ROBO1: variants seen among roughly 807,000 people sequenced by gnomAD.
ROBO1 encodes the protein roundabout guidance receptor 1.
In ROBO1, 149 loss-of-function variants were observed where a neutral mutation model predicts 195.9. The ratio of observed to expected loss-of-function variants is 0.76; its 90% confidence interval spans 0.67 to 0.87. The LOEUF (loss-of-function observed/expected upper bound fraction) is 0.87, where lower values mean the gene tolerates loss of function less well. Among genes scored for constraint, ROBO1 ranks in the 40% least tolerant of loss-of-function variants. The pLI is 0.00. For missense variants in ROBO1, 1,933 were observed against 2,068.3 expected (o/e 0.93, Z 1.27); for synonymous variants, 816 against 733.2 (o/e 1.11, Z -1.82).
At chr3:79,069,561 T>G (rs572896049) in intron 3 of ROBO1, among the ~76,000 whole-genome samples, 1 of 152,066 alleles carries the variant, frequency 6.6e-6, no homozygotes, top group Non-Finnish European at 1.5e-5. Context: ...ATTCTTGACA[T>G]GTCAACAAAG....
intron 18 of ROBO1, among the ~76,000 whole-genome samples, chr3:78,655,343 T>A (rs76577174): frequency 1.3e-5 from 2 of 152,114 alleles, no homozygotes; most frequent in East Asian, 3.9e-4. Context: ...ACCCCATTCA[T>A]TTGCTTGCAG....
At chr3:78,684,981 C>T (rs913114934) in intron 10 of ROBO1, among the ~76,000 whole-genome samples, 12 of 152,082 alleles carry the variant, frequency 7.9e-5, no homozygotes, top group African/African-American at 2.7e-4. Flanking sequence ...CCAATCACTA[C>T]AATAAATTTA....
At chr3:79,212,907 T>A (rs549178628) in intron 2 of ROBO1, among the ~76,000 whole-genome samples, 2 of 152,034 alleles carry the variant, frequency 1.3e-5, no homozygotes, top group African/African-American at 4.8e-5. Context: ...GTGTAGACTT[T>A]AGCAAATTCT....
At chr3:79,297,606 T>C (rs1480256763) in intron 2 of ROBO1, among the ~76,000 whole-genome samples, 4 of 152,114 alleles carry the variant, frequency 2.6e-5, no homozygotes, top group Non-Finnish European at 5.9e-5. Flanking sequence ...AACATTTGAG[T>C]TGTTTTGATT....
At chr3:79,677,082 G>T (rs1946804932) in intron 1 of ROBO1, among the ~76,000 whole-genome samples, 1 of 151,866 alleles carries the variant, frequency 6.6e-6, no homozygotes, top group Non-Finnish European at 1.5e-5. Context: ...CCCAACTCTT[G>T]GTGTTAAAAC....
chr3:79,315,381 C>T (rs1049745268), intron 2 of ROBO1, among the ~76,000 whole-genome samples: 21 of 152,114 alleles, frequency 1.4e-4, no homozygotes, highest in South Asian at 8.3e-4. Context: ...AGACCACTTA[C>T]GGGACTGATG....
At chr3:79,655,310 C>A (rs1178452483) in intron 1 of ROBO1, among the ~76,000 whole-genome samples, 9 of 151,956 alleles carry the variant, frequency 5.9e-5, no homozygotes, top group African/African-American at 2.2e-4. Context: ...ACCATATCAA[C>A]AGGGACTTCG....
intron 3 of ROBO1, among the ~76,000 whole-genome samples, chr3:79,120,017 C>T (rs1442116804): frequency 1.3e-5 from 2 of 152,148 alleles, no homozygotes; most frequent in Non-Finnish European, 2.9e-5. Flanking sequence ...TGTAATCCAT[C>T]CACCTTGGCT....
At chr3:79,604,014 C>T (rs1405206911) in intron 1 of ROBO1, among the ~76,000 whole-genome samples, 1 of 152,050 alleles carries the variant, frequency 6.6e-6, no homozygotes, top group Non-Finnish European at 1.5e-5. Flanking sequence ...AACAGGTACT[C>T]TCACGCAGGA....
chr3:78,718,549 A>C (rs2081958771), intron 5 of ROBO1, among the ~76,000 whole-genome samples: 1 of 152,084 alleles, frequency 6.6e-6, no homozygotes, highest in Admixed American at 6.6e-5. Context: ...TAATTAATTG[A>C]ATAAAAATTA....
intron 3 of ROBO1, among the ~76,000 whole-genome samples, chr3:79,047,276 G>A (rs2078612354): frequency 6.6e-6 from 1 of 152,054 alleles, no homozygotes; most frequent in Non-Finnish European, 1.5e-5. Context: ...TCTAGTTAAG[G>A]AGATTTCCAA....
intron 2 of ROBO1, among the ~76,000 whole-genome samples, chr3:79,516,805 T>G (rs993531821): frequency 2.6e-5 from 4 of 152,198 alleles, no homozygotes; most frequent in African/African-American, 9.6e-5. Flanking sequence ...TTCACATGTA[T>G]TTGAATTTAT....
chr3:78,705,991 G>A (rs1206716801), intron 8 of ROBO1, among the ~76,000 whole-genome samples: 1 of 151,462 alleles, frequency 6.6e-6, no homozygotes, highest in East Asian at 2.0e-4. Flanking sequence ...TAACTAAAAC[G>A]ATGTCTCTGA....
intron 3 of ROBO1, among the ~76,000 whole-genome samples, chr3:79,096,153 T>C (rs536474485): frequency 6.6e-6 from 1 of 151,948 alleles, no homozygotes; most frequent in African/African-American, 2.4e-5. Context: ...AATGTTCTTG[T>C]CCAAAGAGGC....
Position 78,635,899 on chromosome 3 carries a change from G to A in ROBO1, c.3247C>T (p.Leu1083Phe), listed in dbSNP as rs1249933477. 2 of 1,613,874 alleles carry A rather than the reference G, an allele frequency of 1.2e-6. No homozygotes were observed. Among genetic ancestry groups the A allele is most frequent in the East Asian group, 2.2e-5 (1 of 44,872 alleles). Reference sequence around the variant, plus strand: ...CTGCCATTGTTCATGTTGTTGCTGAGGTTTGACTGGATGAGCTGAGTGGTG... The same window carrying A: ...CTGCCATTGTTCATGTTGTTGCTGAAGTTTGACTGGATGAGCTGAGTGGTG... ...YATTQLIQSNLSNNMNNGSGD... is the reference protein window; with the variant it reads ...YATTQLIQSNFSNNMNNGSGD... The change falls in exon 23 of 31, where the codon CTC becomes TTC. Residue 1083 changes from leucine (L) to phenylalanine (F), a missense_variant. This residue lies in a region of ROBO1 where 1,737 missense variants were observed against 1,882.5 expected (regional missense o/e 0.92). Coordinates refer to ENST00000464233, the MANE Select transcript of ROBO1 (RefSeq NM_002941.4).
chr3:79,617,032 A>G (rs1424365002), intron 1 of ROBO1, among the ~76,000 whole-genome samples: 1 of 152,176 alleles, frequency 6.6e-6, no homozygotes, highest in Non-Finnish European at 1.5e-5. Flanking sequence ...GAGATAAAGC[A>G]CAATGTCTTT....
intron 28 of ROBO1, among the ~76,000 whole-genome samples, chr3:78,613,103 C>T (rs565991999): frequency 6.6e-6 from 1 of 152,160 alleles, no homozygotes; most frequent in African/African-American, 2.4e-5. Context: ...AACTGTGATA[C>T]AATATTCTTT....
intron 3 of ROBO1, among the ~76,000 whole-genome samples, chr3:78,978,490 A>G (rs2076928495): frequency 6.6e-6 from 1 of 152,120 alleles, no homozygotes; most frequent in South Asian, 2.1e-4. Flanking sequence ...CACCACACAC[A>G]GTATTGCCCA....
intron 2 of ROBO1, among the ~76,000 whole-genome samples, chr3:79,586,320 T>C (rs1295737197): frequency 6.6e-6 from 1 of 151,934 alleles, no homozygotes; most frequent in Non-Finnish European, 1.5e-5. Flanking sequence ...TAACAGCTCT[T>C]TTCAGTTATC....
Sources: gnomAD v4.1 joint callset for allele counts (sites outside exome capture counted in the v4.1 genomes callset) on GRCh38, gnomAD v4.1.1 for gene constraint, gnomAD v4.1.1 regional missense constraint, MANE v1.5 for transcripts, NCBI Gene and HGNC (gene_info 2026-07-23, HGNC 2026-07-21) for gene names.